DAPK1: variants seen among roughly 807,000 people sequenced by gnomAD.
The protein encoded by DAPK1 is death-associated protein kinase 1.
In DAPK1, 56 loss-of-function variants were observed where a neutral mutation model predicts 144.9. The observed-to-expected ratio is 0.39, with a 90% confidence interval of 0.31 to 0.48. The LOEUF is 0.48. Ranked by LOEUF, DAPK1 falls within the 20% of genes least tolerant of loss-of-function variation. The pLI is 0.95. For missense variants in DAPK1, 1,454 were observed against 1,875.4 expected (o/e 0.78, Z 4.15); for synonymous variants, 690 against 749.0 (o/e 0.92, Z 1.29).
rs562647638 is a variant in DAPK1 at position 87,518,126 on chromosome 9, T to G, written c.62+18987T>G. Among the ~76,000 whole-genome samples the G allele has an allele frequency of 3.1e-3, 435 of 138,696 alleles. 2 individuals carry two copies. Among genetic ancestry groups the G allele is most frequent in the African/African-American group, 0.01 (400 of 38,798 alleles). 91.0% of individuals were successfully genotyped at this position (138,696 alleles called of 152,430 possible). On this transcript the variant is annotated intron_variant, in intron 2 of 25. Transcript: ENST00000408954. ...TGTTGTTTTTTTTTTTTTTTTTTTT[T>G]TCTGAGATGGAGTCTGGCTCTATCA... is the stretch of plus-strand genomic sequence containing the variant.
chr9:87,581,189 G>T (rs757103503), intron 2 of DAPK1, among the ~76,000 whole-genome samples: 3 of 152,146 alleles, frequency 2.0e-5, no homozygotes, highest in Non-Finnish European at 4.4e-5. Flanking sequence ...TTCGGAAGAC[G>T]CATGGACACC....
At chr9:87,551,960 T>C (rs1397257470) in intron 2 of DAPK1, among the ~76,000 whole-genome samples, 2 of 152,026 alleles carry the variant, frequency 1.3e-5, no homozygotes, top group African/African-American at 4.8e-5. Context: ...ACAACTACAC[T>C]CTAGAATAAT....
At chr9:87,524,182 C>T (rs781104416) in intron 2 of DAPK1, among the ~76,000 whole-genome samples, 1 of 152,310 alleles carries the variant, frequency 6.6e-6, no homozygotes, top group Admixed American at 6.5e-5. Context: ...CTGGGCCTCT[C>T]CCTGGGGGAA....
At chr9:87,662,474 G>T (rs1442570890) in intron 18 of DAPK1, among the ~76,000 whole-genome samples, 8 of 141,234 alleles carry the variant, frequency 5.7e-5, no homozygotes, top group Non-Finnish European at 1.1e-4. Context: ...TTTTCCATTT[G>T]TTTGTGTCAT....
chr9:87,640,579 T>A (rs1830062102), intron 8 of DAPK1, 129 bp downstream of exon 8: 2 of 1,147,452 alleles, frequency 1.7e-6, no homozygotes, highest in Non-Finnish European at 2.5e-6. Context: ...CAGCATGCCA[T>A]GTGAAACGCT....
intron 19 of DAPK1, among the ~76,000 whole-genome samples, chr9:87,680,941 TATGTGAATTTTACCTGA>T (rs1824593807): frequency 6.6e-6 from 1 of 152,208 alleles, no homozygotes; most frequent in African/African-American, 2.4e-5. Flanking sequence ...ACTTTGATGT[TATGTGAATTTTACCTGA>T]ATTTTCAAAG....
intron 14 of DAPK1, 122 bp from the exon 15 acceptor site, chr9:87,648,657 TGG>T (rs1236521110): frequency 2.5e-6 from 2 of 787,238 alleles, no homozygotes; most frequent in Non-Finnish European, 4.3e-6. Flanking sequence ...CTGCCCAAGG[TGG>T]GTGGGTGGAA....
At chr9:87,555,174 G>T (rs1826659566) in intron 2 of DAPK1, among the ~76,000 whole-genome samples, 1 of 152,176 alleles carries the variant, frequency 6.6e-6, no homozygotes, top group African/African-American at 2.4e-5. Context: ...AGCAAAGGAA[G>T]TTCCTTATTT....
At chr9:87,694,423 G>C (rs958173134) in intron 21 of DAPK1, among the ~76,000 whole-genome samples, 1 of 152,174 alleles carries the variant, frequency 6.6e-6, no homozygotes, top group Admixed American at 6.5e-5. Context: ...CAGCAGGCCT[G>C]TCGTCAGGTC....
intron 21 of DAPK1, among the ~76,000 whole-genome samples, chr9:87,692,991 T>TTTTTTC (rs1825124988): frequency 8.1e-6 from 1 of 123,650 alleles, no homozygotes; most frequent in African/African-American, 3.3e-5. Flanking sequence ...TTTTTTTTTT[T>TTTTTTC]CTGTTTTCAG....
Position 87,703,104 on chromosome 9 carries a change from A to C in DAPK1, c.2947A>C (p.Asn983His). 1 of 1,602,704 alleles carries C rather than the reference A, an allele frequency of 6.2e-7. No homozygotes were observed. The highest frequency in any genetic ancestry group is 1.1e-5 in the South Asian group (1 of 90,860). The part of the protein sequence containing the change: ...LPSWRKLNGP[N>H]QLMSLQQFVY... The stretch of plus-strand genomic sequence containing the variant: ...TTCCTGGAGGAAGCTCAATGGACCC[A>C]ACCAGCTGATGTCGCTGCAGCAGTT... The change falls in exon 25 of 26, where the codon AAC becomes CAC. Residue 983 changes from asparagine (N) to histidine (H), a missense_variant. This residue lies in a region of DAPK1 where 1,025 missense variants were observed against 1,237.9 expected (regional missense o/e 0.83). Coordinates refer to ENST00000408954, the MANE Select transcript of DAPK1 (RefSeq NM_004938.4).
chr9:87,547,578 AGT>A (rs61564712), intron 2 of DAPK1, among the ~76,000 whole-genome samples: 18,374 of 58,446 alleles, frequency 0.31, 1,342 homozygotes, highest in East Asian at 0.43. Context: ...AGAGAGAGAG[AGT>A]GTGTGTGTGT....
chr9:87,601,075 C>T (rs534574075), intron 2 of DAPK1, among the ~76,000 whole-genome samples: 1 of 152,178 alleles, frequency 6.6e-6, no homozygotes, highest in Non-Finnish European at 1.5e-5. Flanking sequence ...ACTGTCCCCC[C>T]AAAGGAGTCC....
chr9:87,637,477 A>T (rs10217539), intron 3 of DAPK1, among the ~76,000 whole-genome samples: 5,096 of 152,218 alleles, frequency 0.033, 273 homozygotes, highest in African/African-American at 0.12. Flanking sequence ...ATCAGACCAT[A>T]TATTGTGAAT....
rs114862334 is a variant in DAPK1, at chr9:87,666,873, G to A, written c.1924-1724G>A. On this transcript the variant is annotated intron_variant, in intron 18 of 25. Coordinates refer to ENST00000408954, the MANE Select transcript of DAPK1 (RefSeq NM_004938.4). Reference sequence around the variant, plus strand: ...AAAGGCCTCTGCCTGTGTTTTGTGCGCGTCTGAGCTCTGCAAGAGGAACGT... The same window carrying A: ...AAAGGCCTCTGCCTGTGTTTTGTGCACGTCTGAGCTCTGCAAGAGGAACGT... Among the ~76,000 whole-genome samples, 793 of 152,264 alleles carry A rather than the reference G, an allele frequency of 5.2e-3. 8 individuals are homozygous for A. Among genetic ancestry groups the A allele is most frequent in the African/African-American group, 0.017 (701 of 41,546 alleles).
rs577381433 is a variant in DAPK1, at chr9:87,503,263, GTA to G, written c.62+4138_62+4139del. ...TTTATATATATGTGTGTGTGTATAT[GTA>G]TATATATATATATTTTAGAGACAGG... On this transcript the variant is annotated intron_variant, in intron 2 of 25. Coordinates refer to ENST00000408954, the MANE Select transcript of DAPK1 (RefSeq NM_004938.4). Among the ~76,000 whole-genome samples the G allele has an allele frequency of 5.2e-3, 786 of 150,080 alleles. 6 individuals are homozygous for G. Among genetic ancestry groups the G allele is most frequent in the African/African-American group, 0.018 (729 of 40,928 alleles).
intron 9 of DAPK1, among the ~76,000 whole-genome samples, chr9:87,641,485 C>G (rs1006209709): frequency 1.3e-4 from 20 of 152,120 alleles, no homozygotes; most frequent in Admixed American, 1.3e-4. Flanking sequence ...CAGCAGTTAC[C>G]TGGGTTCTCC....
chr9:87,692,026 T>C (rs926489395), intron 21 of DAPK1, among the ~76,000 whole-genome samples: 2 of 152,112 alleles, frequency 1.3e-5, no homozygotes, highest in African/African-American at 4.8e-5. Context: ...TTAAATTCAG[T>C]GTTTCTTTGT....
At chr9:87,606,708 T>TCCC (rs1444717177) in intron 3 of DAPK1, among the ~76,000 whole-genome samples, 7 of 119,516 alleles carry the variant, frequency 5.9e-5, no homozygotes, top group African/African-American at 2.3e-4. Flanking sequence ...CCTTCCTTCC[T>TCCC]TCCTCCCTCT....
Sources: allele counts gnomAD v4.1 joint callset (sites outside exome capture counted in the v4.1 genomes callset), GRCh38; gene constraint gnomAD v4.1.1; regional missense constraint gnomAD v4.1.1; transcripts MANE v1.5; gene names NCBI Gene and HGNC (gene_info 2026-07-23, HGNC 2026-07-21).